TRIM58: variants seen among roughly 807,000 people sequenced by gnomAD.
The protein encoded by TRIM58 is E3 ubiquitin-protein ligase TRIM58.
TRIM58 carries 38 observed loss-of-function variants against 34.1 expected under a neutral mutation model. The ratio of observed to expected loss-of-function variants is 1.12; its 90% CI spans 0.86 to 1.46. The LOEUF (loss-of-function observed/expected upper bound fraction) is 1.46. Ranked by LOEUF, TRIM58 falls within the 40% of genes most tolerant of loss-of-function variation. The probability of loss-of-function intolerance (pLI) is 0.00; values close to 1 mark genes in which losing one functional copy is unlikely to be tolerated. For missense variants in TRIM58, 677 were observed against 642.0 expected (o/e 1.05, Z -0.59); for synonymous variants, 273 against 275.7 (o/e 0.99, Z 0.10).
intron 5 of TRIM58, among the ~76,000 whole-genome samples, chr1:247,875,645 G>A (rs1051531950): frequency 6.7e-6 from 1 of 150,236 alleles, no homozygotes; most frequent in Non-Finnish European, 1.5e-5. Flanking sequence ...ATCAATAGTT[G>A]TTTTTTTTTG....
chr1:247,858,337 A>G (rs1313387201), intron 1 of TRIM58, among the ~76,000 whole-genome samples: 1 of 152,130 alleles, frequency 6.6e-6, no homozygotes, highest in Admixed American at 6.5e-5. Flanking sequence ...AAATGGGAGT[A>G]TTTGGTCCCC....
In TRIM58 at chr1:247,878,541, G is replaced by A. The variant is rs1207414494; in HGVS notation, c.*2052G>A. Among the ~76,000 whole-genome samples the A allele has an allele frequency of 1.3e-5, 2 of 152,214 alleles. No homozygotes were observed. The highest frequency in any genetic ancestry group is 2.9e-5 in the Non-Finnish European group (2 of 68,044). On this transcript the variant is annotated 3_prime_UTR_variant, in exon 6 of 6. Transcript: ENST00000366481. Reference sequence around the variant, plus strand: ...CTTCTTGGTGTTCCACAGGCCATGTGTGCCCTAGCCCTCGTTCATGCAAGG... The same window carrying A: ...CTTCTTGGTGTTCCACAGGCCATGTATGCCCTAGCCCTCGTTCATGCAAGG...
In TRIM58 at chr1:247,878,820, C is replaced by T. The variant is rs923578521; in HGVS notation, c.*2331C>T. Among the ~76,000 whole-genome samples the T allele has an allele frequency of 7.9e-5, 12 of 152,204 alleles. No homozygotes were observed. Among genetic ancestry groups the T allele is most frequent in the African/African-American group, 2.2e-4 (9 of 41,464 alleles). On this transcript the variant is annotated 3_prime_UTR_variant, in exon 6 of 6. Transcript: ENST00000366481. Reference sequence around the variant, plus strand: ...TCTCACTGTCTCTGCTGAATCCTGTCTCACTGTGCATATTATTGTGGTTTA... The same window carrying T: ...TCTCACTGTCTCTGCTGAATCCTGTTTCACTGTGCATATTATTGTGGTTTA...
At position 247,860,699 on chromosome 1, in the gene TRIM58, C is replaced by G; in HGVS notation, c.503C>G (p.Thr168Ser). The G allele has an allele frequency of 6.2e-7, 1 of 1,613,324 alleles. No individual in the cohort carries two copies. The highest frequency in any genetic ancestry group is 8.5e-7 in the Non-Finnish European group (1 of 1,179,442). Reference sequence around the variant, plus strand: ...CAGGAGGCCAACGTGGGGAAAAAGACTGTCATTTGGAAGGTAAGACCATGT... The same window carrying G: ...CAGGAGGCCAACGTGGGGAAAAAGAGTGTCATTTGGAAGGTAAGACCATGT... Reference protein sequence around the residue: ...LTQEANVGKKTVIWKEKVEMQ... With the variant: ...LTQEANVGKKSVIWKEKVEMQ... The change falls in exon 2 of 6, where the codon ACT becomes AGT. Residue 168 changes from threonine to serine, a missense_variant. By Grantham distance (58) the Thr-to-Ser change is moderately conservative. Coordinates refer to ENST00000366481, the MANE Select transcript of TRIM58 (RefSeq NM_015431.4).
chr1:247,867,680 A>G (rs1449404259), intron 3 of TRIM58, among the ~76,000 whole-genome samples, 165 bp from the exon 4 acceptor site: 1 of 152,088 alleles, frequency 6.6e-6, no homozygotes, highest in East Asian at 1.9e-4. Flanking sequence ...ACAAGAACGA[A>G]ACTCCATCTC....
At chr1:247,861,993 T>C (rs1465891494) in intron 2 of TRIM58, among the ~76,000 whole-genome samples, 1 of 151,896 alleles carries the variant, frequency 6.6e-6, no homozygotes, top group Non-Finnish European at 1.5e-5. Flanking sequence ...CCAGGCGTGG[T>C]GGCACATGCC....
At position 247,867,953 on chromosome 1, in the gene TRIM58, C is replaced by T; in HGVS notation, c.771-10C>T. 6.2e-7 allele frequency: 1 copy of T among 1,613,016 alleles called. No individual in the cohort carries two copies. Among genetic ancestry groups the T allele is most frequent in the Non-Finnish European group, 8.5e-7 (1 of 1,179,390 alleles). ...CCTGCTGACTTCTGTGGTTTCTGTG[C>T]TCTTCCCAGAAGTAAGGCTGTCACA... On this transcript the variant is annotated splice_polypyrimidine_tract_variant and intron_variant, in intron 4 of 5. Transcript: ENST00000366481.
chr1:247,866,998 T>C (rs1317298942), intron 3 of TRIM58, among the ~76,000 whole-genome samples: 1 of 152,170 alleles, frequency 6.6e-6, no homozygotes, highest in Non-Finnish European at 1.5e-5. Context: ...AGGGGAAATG[T>C]ATCCCAAATA....
chr1:247,859,426 C>T (rs1663726555), intron 1 of TRIM58, among the ~76,000 whole-genome samples: 1 of 152,070 alleles, frequency 6.6e-6, no homozygotes, highest in African/African-American at 2.4e-5. Context: ...TAATATTCTC[C>T]TTTTAAAAAC....
intron 3 of TRIM58, among the ~76,000 whole-genome samples, chr1:247,867,383 CT>C (rs1663954740): frequency 6.6e-6 from 1 of 152,056 alleles, no homozygotes; most frequent in African/African-American, 2.4e-5. Context: ...TTAACCTAAA[CT>C]TTGTATAGCT....
intron 2 of TRIM58, among the ~76,000 whole-genome samples, chr1:247,862,087 C>T (rs1663806018): frequency 6.6e-6 from 1 of 152,120 alleles, no homozygotes; most frequent in Admixed American, 6.5e-5. Context: ...GAGATCGTGC[C>T]ATTGCACTCC....
chr1:247,872,216 G>A (rs1376023760), intron 5 of TRIM58, among the ~76,000 whole-genome samples: 1 of 152,238 alleles, frequency 6.6e-6, no homozygotes, highest in East Asian at 1.9e-4. Flanking sequence ...GTTTTATGAG[G>A]ATCACTCTAT....
chr1:247,857,362 G>C lies in TRIM58; in HGVS notation c.116G>C (p.Cys39Ser). 3 of 1,523,542 alleles carry C rather than the reference G, an allele frequency of 2.0e-6. No homozygotes were observed. The highest frequency in any genetic ancestry group is 1.8e-6 in the Non-Finnish European group (2 of 1,134,120). The allele number at this position is 1,523,542 out of a possible 1,614,324, so 94.4% of individuals were successfully genotyped here. The change falls in exon 1 of 6, where the codon TGC becomes TCC. Residue 39 changes from cysteine (C) to serine (S), a missense_variant. Coordinates refer to ENST00000366481, the MANE Select transcript of TRIM58 (RefSeq NM_015431.4). ...TGCGGCCACAGCTTCTGCCTCAGGT[G>C]CATCTCCGAGTTCTGCGAGAAGTCG... is the stretch of plus-strand genomic sequence containing the variant. ...VDCGHSFCLR[C>S]ISEFCEKSDG...
rs1348750237 is a variant in TRIM58, at chr1:247,860,671, A to G, written c.475A>G (p.Thr159Ala). Residue 159 changes from threonine (T) to alanine (A), a missense_variant, in exon 2 of 6, where the codon ACT (threonine) becomes GCT (alanine). By Grantham distance (58) the Thr-to-Ala change is moderately conservative (BLOSUM62 0). Transcript: ENST00000366481. ...GAGGAAAGAGTTGGAGGACGCCTTGACTCAGGAGGCCAACGTGGGGAAAAA... is the reference window on the plus strand; with the variant it reads ...GAGGAAAGAGTTGGAGGACGCCTTGGCTCAGGAGGCCAACGTGGGGAAAAA... ...LMRKELEDALTQEANVGKKTV... is the reference protein window; with the variant it reads ...LMRKELEDALAQEANVGKKTV... 1 of 1,613,532 alleles carries G rather than the reference A, an allele frequency of 6.2e-7. No individual in the cohort carries two copies. Among genetic ancestry groups the G allele is most frequent in the Non-Finnish European group, 8.5e-7 (1 of 1,179,876 alleles).
intron 1 of TRIM58, among the ~76,000 whole-genome samples, chr1:247,857,968 G>C (rs934537628): frequency 1.3e-5 from 2 of 152,222 alleles, no homozygotes; most frequent in African/African-American, 4.8e-5. Flanking sequence ...TGGTCCCTCA[G>C]CTGGGCTCTG....
intron 5 of TRIM58, among the ~76,000 whole-genome samples, chr1:247,873,752 G>T (rs961345483): frequency 6.6e-6 from 1 of 152,148 alleles, no homozygotes; most frequent in Non-Finnish European, 1.5e-5. Flanking sequence ...TGGATTGCTT[G>T]AACCCAGGAG....
intron 2 of TRIM58, among the ~76,000 whole-genome samples, chr1:247,863,110 A>G (rs11801420): frequency 6.6e-6 from 1 of 152,218 alleles, no homozygotes; most frequent in Non-Finnish European, 1.5e-5. Context: ...AGTTTTCTGA[A>G]TCTGGTGATT....
chr1:247,868,172 T>C, intron 5 of TRIM58, 109 bp downstream of exon 5: 2 of 900,546 alleles, frequency 2.2e-6, no homozygotes. Flanking sequence ...TTGCCTCGTA[T>C]TGTGGTTTGT....
At chr1:247,869,808 A>G (rs1442939976) in intron 5 of TRIM58, among the ~76,000 whole-genome samples, 1 of 152,254 alleles carries the variant, frequency 6.6e-6, no homozygotes, top group African/African-American at 2.4e-5. Context: ...ACAAATAGGA[A>G]CAAAGGCATA....
Sources: allele counts gnomAD v4.1 joint callset (sites outside exome capture counted in the v4.1 genomes callset), GRCh38; gene constraint gnomAD v4.1.1; transcripts MANE v1.5; gene names NCBI Gene and HGNC (gene_info 2026-07-23, HGNC 2026-07-21).